PRR16: variants seen among roughly 807,000 people sequenced by gnomAD.
PRR16 encodes proline rich 16.
Under a neutral mutation model 18.2 loss-of-function variants are expected in PRR16, and 6 were observed. That is an observed-to-expected ratio of 0.33 (90% CI 0.18 to 0.65). The LOEUF is 0.65. Among genes scored for constraint, PRR16 ranks in the 30% least tolerant of loss-of-function variants. The pLI is 0.74. For synonymous variants in PRR16, 151 were observed against 147.8 expected, an observed-to-expected ratio of 1.02 and a Z score of -0.16; for missense variants, 412 against 376.6, an observed-to-expected ratio of 1.09 and a Z score of -0.78.
At chr5:120,568,126 T>A (rs769502219) in intron 1 of PRR16, among the ~76,000 whole-genome samples, 2 of 152,224 alleles carry the variant, frequency 1.3e-5, no homozygotes, top group Non-Finnish European at 2.9e-5. Flanking sequence ...TGCATATTAA[T>A]CATCATTTTA....
At chr5:120,486,392 G>T (rs1225933744) in intron 1 of PRR16, among the ~76,000 whole-genome samples, 3 of 150,126 alleles carry the variant, frequency 2.0e-5, no homozygotes. Flanking sequence ...GCATTTCTCT[G>T]ATGGCCAGTG....
At position 120,497,496 on chromosome 5, in the gene PRR16, T is replaced by G. The variant is rs933948181; in HGVS notation, c.159+32851T>G. 3.3e-5 allele frequency among the ~76,000 whole-genome samples: 5 copies of G among 150,340 alleles called. No individual in the cohort carries two copies. In the East Asian group the frequency reaches 9.7e-4, roughly 29 times the overall value. On this transcript the variant is annotated intron_variant, in intron 1 of 1. Coordinates refer to ENST00000407149, the MANE Select transcript of PRR16 (RefSeq NM_001300783.2). ...ACCTCCGTCTCCTGGTTCACACGAT[T>G]CTCCTGCCTCAGCCTCCCAAGTAGC...
intron 1 of PRR16, among the ~76,000 whole-genome samples, chr5:120,623,191 G>T (rs1455900557): frequency 6.6e-6 from 1 of 151,702 alleles, no homozygotes; most frequent in African/African-American, 2.4e-5. Context: ...CCTCAGTGAG[G>T]AAAGAAAAAA....
At chr5:120,701,639 A>G in the PRR16 span, among the ~76,000 whole-genome samples, 100 of 152,096 alleles carry the variant, frequency 6.6e-4, no homozygotes, top group Non-Finnish European at 1.0e-3. Context: ...TCGGCCTGGC[A>G]AGGAGCAGCC....
At chr5:120,550,929 G>A (rs900686804) in intron 1 of PRR16, among the ~76,000 whole-genome samples, 7 of 152,050 alleles carry the variant, frequency 4.6e-5, no homozygotes, top group African/African-American at 1.7e-4. Flanking sequence ...ACAAAAAATT[G>A]TATATATTCA....
intron 1 of PRR16, among the ~76,000 whole-genome samples, chr5:120,521,847 G>C (rs1220190681): frequency 6.6e-6 from 1 of 151,936 alleles, no homozygotes; most frequent in African/African-American, 2.4e-5. Flanking sequence ...ATAGGCCCCT[G>C]TGTGTGGTGT....
chr5:120,511,554 T>A (rs1022500476), intron 1 of PRR16, among the ~76,000 whole-genome samples: 28 of 152,188 alleles, frequency 1.8e-4, no homozygotes, highest in Non-Finnish European at 2.8e-4. Context: ...TATTTCTAAG[T>A]TCTTCATGGA....
intron 1 of PRR16, among the ~76,000 whole-genome samples, chr5:120,607,107 C>T (rs1004181609): frequency 2.0e-5 from 3 of 151,854 alleles, no homozygotes; most frequent in Non-Finnish European, 4.4e-5. Context: ...TTTTTGTAAT[C>T]GCCTCATTGA....
rs572733514 is a variant in PRR16 at position 120,560,542 on chromosome 5, A to G, written c.159+95897A>G. ...GTATTGTTGAATTTGGTTTGCTAGT[A>G]TTTTGTTGAGGATTTTCACATCAAT... On this transcript the variant is annotated intron_variant, in intron 1 of 1. Coordinates refer to ENST00000407149, the MANE Select transcript of PRR16 (RefSeq NM_001300783.2). Among the ~76,000 whole-genome samples, 311 of 152,026 alleles carry G rather than the reference A, an allele frequency of 2.0e-3. 1 individual carries two copies. The highest frequency in any genetic ancestry group is 4.6e-3 in the Admixed American group (70 of 15,244).
At chr5:120,644,493 G>T (rs569101527) in intron 1 of PRR16, among the ~76,000 whole-genome samples, 1 of 152,196 alleles carries the variant, frequency 6.6e-6, no homozygotes, top group South Asian at 2.1e-4. Flanking sequence ...ACATGGTGAA[G>T]GTTAACACAG....
the PRR16 span, among the ~76,000 whole-genome samples, chr5:120,733,188 C>A: frequency 6.6e-6 from 1 of 152,070 alleles, no homozygotes; most frequent in African/African-American, 2.4e-5. Flanking sequence ...TTCTGTCACC[C>A]AGGCTGGAGT....
intron 1 of PRR16, among the ~76,000 whole-genome samples, chr5:120,471,248 A>G (rs1276396650): frequency 6.6e-6 from 1 of 152,184 alleles, no homozygotes; most frequent in Non-Finnish European, 1.5e-5. Context: ...AACTTATTCA[A>G]CAAAAATGTT....
At chr5:120,560,458 A>G (rs1752541327) in intron 1 of PRR16, among the ~76,000 whole-genome samples, 1 of 151,972 alleles carries the variant, frequency 6.6e-6, no homozygotes, top group South Asian at 2.1e-4. Flanking sequence ...GCACACGTTG[A>G]ACCATCTTTG....
At chr5:120,734,455 T>A in the PRR16 span, among the ~76,000 whole-genome samples, 22 of 152,318 alleles carry the variant, frequency 1.4e-4, no homozygotes, top group African/African-American at 4.6e-4. Flanking sequence ...TGTCATTACA[T>A]CTAGAACTTA....
At chr5:120,668,833 C>T (rs1302390894) in intron 1 of PRR16, among the ~76,000 whole-genome samples, 2 of 152,198 alleles carry the variant, frequency 1.3e-5, no homozygotes, top group Non-Finnish European at 2.9e-5. Flanking sequence ...AGCTGTTAGT[C>T]TGATGGGCTT....
the PRR16 span, among the ~76,000 whole-genome samples, chr5:120,786,593 A>G: frequency 2.7e-5 from 4 of 149,540 alleles, no homozygotes; most frequent in African/African-American, 9.7e-5. Flanking sequence ...TATAATATAC[A>G]AAAATGTGTG....
At chr5:120,731,137 C>A in the PRR16 span, among the ~76,000 whole-genome samples, 1 of 152,070 alleles carries the variant, frequency 6.6e-6, no homozygotes, top group Non-Finnish European at 1.5e-5. Flanking sequence ...GTCAACAGAT[C>A]TCAGAATCTA....
chr5:120,482,294 C>T (rs79897026), intron 1 of PRR16, among the ~76,000 whole-genome samples: 2 of 152,126 alleles, frequency 1.3e-5, no homozygotes, highest in African/African-American at 4.8e-5. Context: ...TCTCTCCCCC[C>T]ATTAGTCCCC....
At chr5:120,494,298 AT>A (rs1750167280) in intron 1 of PRR16, among the ~76,000 whole-genome samples, 1 of 151,832 alleles carries the variant, frequency 6.6e-6, no homozygotes. Context: ...GCATCTTTTC[AT>A]TTGCTTATAT....
Sources: gnomAD v4.1 joint callset for allele counts (sites outside exome capture counted in the v4.1 genomes callset) on GRCh38, gnomAD v4.1.1 for gene constraint, MANE v1.5 for transcripts, NCBI Gene and HGNC (gene_info 2026-07-23, HGNC 2026-07-21) for gene names.